CACNA2D4: variants seen among roughly 807,000 people sequenced by gnomAD.
The protein encoded by CACNA2D4 is voltage-dependent calcium channel subunit alpha-2/delta-4.
A neutral mutation model predicts 163.8 loss-of-function variants in CACNA2D4; 157 were observed. The ratio of observed to expected loss-of-function variants is 0.96; its 90% CI spans 0.84 to 1.09. The LOEUF (loss-of-function observed/expected upper bound fraction) is 1.09, where lower values mean the gene tolerates loss of function less well. Among genes scored for constraint, CACNA2D4 ranks in the 50% least tolerant of loss-of-function variants. The probability of loss-of-function intolerance (pLI) is 0.00; values close to 1 mark genes in which losing one functional copy is unlikely to be tolerated. For missense variants in CACNA2D4, 1,410 were observed against 1,479.9 expected (o/e 0.95, Z 0.78); for synonymous variants, 598 against 586.9 (o/e 1.02, Z -0.27).
chr12:1,840,506 T>A (rs1315077786), intron 26 of CACNA2D4, among the ~76,000 whole-genome samples: 1 of 152,126 alleles, frequency 6.6e-6, no homozygotes, highest in Non-Finnish European at 1.5e-5. Context: ...GCCGTGCAGA[T>A]CTCCTAGCCT....
chr12:1,852,811 G>A (rs1033491245), intron 23 of CACNA2D4, among the ~76,000 whole-genome samples: 15 of 152,158 alleles, frequency 9.9e-5, no homozygotes, highest in African/African-American at 3.4e-4. Flanking sequence ...GCGCAGGAGT[G>A]AGGCTGCCTG....
chr12:1,842,014 T>C (rs1865035181), intron 25 of CACNA2D4, among the ~76,000 whole-genome samples: 2 of 152,206 alleles, frequency 1.3e-5, no homozygotes, highest in Admixed American at 1.3e-4. Context: ...CAATATTCCC[T>C]GGGTCCCACA....
In CACNA2D4 at chr12:1,907,594, A is replaced by T. The variant is rs760819696; in HGVS notation, c.650-23T>A. On this transcript the variant is annotated intron_variant, in intron 5 of 37. Coordinates refer to ENST00000382722, the MANE Select transcript of CACNA2D4 (RefSeq NM_172364.5). ...GGTCTGAAGGGTGAGACTATAGATTATGATCCTGTAGAACTTCTCAGGAAA... is the reference window on the plus strand; with the variant it reads ...GGTCTGAAGGGTGAGACTATAGATTTTGATCCTGTAGAACTTCTCAGGAAA... The T allele has an allele frequency of 3.7e-6, 6 of 1,605,576 alleles. No homozygotes were observed. In the African/African-American group the frequency reaches 6.7e-5, roughly 18 times the overall value.
intron 23 of CACNA2D4, among the ~76,000 whole-genome samples, chr12:1,849,171 CGG>C (rs1865219617): frequency 6.6e-6 from 1 of 152,194 alleles, no homozygotes; most frequent in Non-Finnish European, 1.5e-5. Context: ...GCACTTGCTG[CGG>C]TGGGCCCTTT....
At chr12:1,797,824 G>C (rs1334293535) in intron 34 of CACNA2D4, among the ~76,000 whole-genome samples, 1 of 152,118 alleles carries the variant, frequency 6.6e-6, no homozygotes, top group Non-Finnish European at 1.5e-5. Context: ...GCTGGGGGCA[G>C]TGCACCATCT....
At chr12:1,819,513 G>A (rs1403410507) in intron 26 of CACNA2D4, among the ~76,000 whole-genome samples, 2 of 152,068 alleles carry the variant, frequency 1.3e-5, no homozygotes, top group Admixed American at 6.5e-5. Flanking sequence ...CATAGGACAC[G>A]GTGATATATC....
chr12:1,863,389 A>G (rs1300246805), intron 18 of CACNA2D4, among the ~76,000 whole-genome samples: 2 of 152,230 alleles, frequency 1.3e-5, no homozygotes, highest in Non-Finnish European at 2.9e-5. Context: ...TTCTATTTCA[A>G]GATAATTTTG....
At chr12:1,861,256 C>T (rs1865518868) in intron 18 of CACNA2D4, among the ~76,000 whole-genome samples, 2 of 152,186 alleles carry the variant, frequency 1.3e-5, no homozygotes, top group South Asian at 4.1e-4. Flanking sequence ...ATGCACCTTT[C>T]ACAAAACTGG....
rs1390719574 is a variant in CACNA2D4, at chr12:1,874,713, C to T, written c.1807-38G>A. Reference sequence around the variant, plus strand: ...AGACAATGGCATTAGTTCCTTGGCTCACAGGGGATGGTGAAAGTATGGCAT... The same window carrying T: ...AGACAATGGCATTAGTTCCTTGGCTTACAGGGGATGGTGAAAGTATGGCAT... On this transcript the variant is annotated intron_variant, in intron 17 of 37. Coordinates refer to ENST00000382722, the MANE Select transcript of CACNA2D4 (RefSeq NM_172364.5). The surrounding 1 kb of genome is among the most constrained non-coding windows in gnomAD (Gnocchi z 4.4). 7.0e-7 allele frequency: 1 copy of T among 1,436,822 alleles called. No individual in the cohort carries two copies. The highest frequency in any genetic ancestry group is 1.8e-4 in the Middle Eastern group (1 of 5,702). 89.0% of individuals were successfully genotyped at this position (1,436,822 alleles called of 1,614,324 possible).
chr12:1,801,663 AGAGAGAGAGGGAGG>A lies in CACNA2D4; in HGVS notation c.2722-33_2722-20del, dbSNP rs1334822102. On this transcript the variant is annotated intron_variant, in intron 29 of 37. Coordinates refer to ENST00000382722, the MANE Select transcript of CACNA2D4 (RefSeq NM_172364.5). ...TTCCCGTCTGTGAGAGAGGGACAGC[AGAGAGAGAGGGAGG>A]GAGAGAGATGGAGCAGGATGGAGCC... The A allele has an allele frequency of 1.3e-5, 20 of 1,528,560 alleles. No individual in the cohort carries two copies. The highest frequency in any genetic ancestry group is 1.8e-5 in the Non-Finnish European group (20 of 1,120,028). 94.7% of individuals were successfully genotyped at this position (1,528,560 alleles called of 1,614,324 possible).
chr12:1,884,383 T>G, intron 11 of CACNA2D4, 62 bp from the exon 12 acceptor site: 1 of 1,323,986 alleles, frequency 7.6e-7, no homozygotes, highest in Non-Finnish European at 1.1e-6. Flanking sequence ...AATGTTAACA[T>G]TGTTTATATG....
intron 16 of CACNA2D4, among the ~76,000 whole-genome samples, chr12:1,876,762 C>T (rs1041979871): frequency 6.6e-6 from 1 of 152,194 alleles, no homozygotes; most frequent in Admixed American, 6.5e-5. Context: ...ACAGCCCTGT[C>T]CTGCCATCTT....
chr12:1,828,917 G>A lies in CACNA2D4; in HGVS notation c.2551+11822C>T, dbSNP rs1310302278. ...TGTGGCAAAGGGACCAGGTCAGCAA[G>A]GGCTGGTCTGCCCAAGGCTACACGG... On this transcript the variant is annotated intron_variant, in intron 26 of 37. Transcript: ENST00000382722. This position sits in a 1 kb window ranked among gnomAD's most constrained non-coding sequence, Gnocchi z 4.2. Among the ~76,000 whole-genome samples, 1 of 152,230 alleles carries A rather than the reference G, an allele frequency of 6.6e-6. No homozygotes were observed. Among genetic ancestry groups the A allele is most frequent in the Non-Finnish European group, 1.5e-5 (1 of 68,036 alleles).
rs973721419 is a variant in CACNA2D4 at position 1,806,928 on chromosome 12, G to A, written c.2721+3350C>T. Reference sequence around the variant, plus strand: ...CCCTGTGGCCCTCGATGGCACTTGTGTGTTTGGGGAAGAGGGGCAGGTTTG... The same window carrying A: ...CCCTGTGGCCCTCGATGGCACTTGTATGTTTGGGGAAGAGGGGCAGGTTTG... On this transcript the variant is annotated intron_variant, in intron 29 of 37. Transcript: ENST00000382722. This position sits in a 1 kb window ranked among gnomAD's most constrained non-coding sequence, Gnocchi z 4.1. Among the ~76,000 whole-genome samples, 1 of 152,084 alleles carries A rather than the reference G, an allele frequency of 6.6e-6. No individual in the cohort carries two copies. Among genetic ancestry groups the A allele is most frequent in the Non-Finnish European group, 1.5e-5 (1 of 68,026 alleles).
Position 1,834,717 on chromosome 12 carries a change from C to A in CACNA2D4, c.2551+6022G>T. ...GACCAGAAGCAGATCTCTTCTGTGG[C>A]CTGAGCGCCCATCCCCACCCGGCCA... On this transcript the variant is annotated intron_variant, in intron 26 of 37. Transcript: ENST00000382722. This position sits in a 1 kb window ranked among gnomAD's most constrained non-coding sequence, Gnocchi z 7.6. The A allele has an allele frequency of 6.3e-7, 1 of 1,586,374 alleles. No individual in the cohort carries two copies. Among genetic ancestry groups the A allele is most frequent in the Non-Finnish European group, 8.6e-7 (1 of 1,168,482 alleles).
At chr12:1,822,681 G>A (rs1179784716) in intron 26 of CACNA2D4, among the ~76,000 whole-genome samples, 7 of 152,226 alleles carry the variant, frequency 4.6e-5, no homozygotes, top group East Asian at 3.9e-4. Flanking sequence ...AACCAGGAGG[G>A]TATATGGCTG....
At chr12:1,871,016 C>G (rs1865758558) in intron 18 of CACNA2D4, among the ~76,000 whole-genome samples, 1 of 152,298 alleles carries the variant, frequency 6.6e-6, no homozygotes, top group Non-Finnish European at 1.5e-5. Flanking sequence ...CAAAGCTGCT[C>G]TGAATGCCAG....
At chr12:1,840,479 A>T (rs1864993069) in intron 26 of CACNA2D4, among the ~76,000 whole-genome samples, 1 of 151,950 alleles carries the variant, frequency 6.6e-6, no homozygotes, top group South Asian at 2.1e-4. Context: ...GCTGGGCTGC[A>T]GTCTCTGTTC....
At chr12:1,800,716 G>A in intron 31 of CACNA2D4, 1 of 592,968 alleles carries the variant, frequency 1.7e-6, no homozygotes, top group East Asian at 2.8e-5. Flanking sequence ...CCCTCATCCT[G>A]GTGCTGCACT....
Sources: gnomAD v4.1 joint callset for allele counts (sites outside exome capture counted in the v4.1 genomes callset) on GRCh38, gnomAD v4.1.1 for gene constraint, Gnocchi (gnomAD v3.1) non-coding constraint, MANE v1.5 for transcripts, NCBI Gene and HGNC (gene_info 2026-07-23, HGNC 2026-07-21) for gene names.